Variants in RIMS2 observed in about 807,000 individuals in gnomAD.
The protein encoded by RIMS2 is regulating synaptic membrane exocytosis protein 2.
In RIMS2, 59 loss-of-function variants were observed where a neutral mutation model predicts 174.4. The ratio of observed to expected loss-of-function variants is 0.34; its 90% CI spans 0.27 to 0.42. The LOEUF (loss-of-function observed/expected upper bound fraction) is 0.42. Among genes scored for constraint, RIMS2 ranks in the 10% least tolerant of loss-of-function variants. RIMS2 has a pLI of 1.00. For missense variants in RIMS2, 1,620 were observed against 1,666.3 expected, an observed-to-expected ratio of 0.97 and a Z score of 0.48; for synonymous variants, 606 against 572.5, an observed-to-expected ratio of 1.06 and a Z score of -0.84.
chr8:103,574,607 T>G (rs898117672), intron 1 of RIMS2, among the ~76,000 whole-genome samples: 2 of 152,354 alleles, frequency 1.3e-5, no homozygotes, highest in African/African-American at 4.8e-5. Flanking sequence ...CTAAACTGTC[T>G]TTGGTTCCCC....
chr8:103,590,708 G>C (rs1453701446), intron 1 of RIMS2, among the ~76,000 whole-genome samples: 1 of 150,858 alleles, frequency 6.6e-6, no homozygotes, highest in Non-Finnish European at 1.5e-5. Flanking sequence ...AATTAGTTTT[G>C]CTTGTAGATA....
chr8:104,086,285 T>TC (rs2097536341), intron 19 of RIMS2, among the ~76,000 whole-genome samples: 1 of 150,936 alleles, frequency 6.6e-6, no homozygotes, highest in African/African-American at 2.4e-5. Context: ...TTTTTTTTTT[T>TC]TTGAGAACAG....
intron 1 of RIMS2, among the ~76,000 whole-genome samples, chr8:103,656,097 T>G (rs998405599): frequency 6.6e-6 from 1 of 151,942 alleles, no homozygotes; most frequent in Non-Finnish European, 1.5e-5. Context: ...TGAGAATATA[T>G]TTGAAGATTG....
At position 104,162,609 on chromosome 8, in the gene RIMS2, A is replaced by C. The variant is rs184525186; in HGVS notation, c.3335-82307A>C. ...TATAATTAGCTTTTTTCATATTATT[A>C]GGGGGGGAGATCTTTCTTTTCAAAA... is the stretch of plus-strand genomic sequence containing the variant. On this transcript the variant is annotated intron_variant, in intron 19 of 23. Coordinates refer to ENST00000504942, the Ensembl canonical transcript of RIMS2. 1.7e-3 allele frequency among the ~76,000 whole-genome samples: 254 copies of C among 152,100 alleles called. 2 individuals carry two copies. Among genetic ancestry groups the C allele is most frequent in the Admixed American group, 7.9e-3 (120 of 15,260 alleles).
intron 13 of RIMS2, among the ~76,000 whole-genome samples, chr8:103,940,122 A>C (rs2082191020): frequency 2.0e-5 from 3 of 152,156 alleles, no homozygotes; most frequent in Admixed American, 6.5e-5. Context: ...TCACTGTACT[A>C]GTACCAATTT....
chr8:103,660,879 T>C (rs1413839173), intron 1 of RIMS2, among the ~76,000 whole-genome samples: 10 of 152,182 alleles, frequency 6.6e-5, no homozygotes, highest in Non-Finnish European at 5.9e-5. Flanking sequence ...CTAAGTAATA[T>C]AAAACTTAAG....
chr8:103,941,122 T>C (rs917151327), intron 13 of RIMS2, among the ~76,000 whole-genome samples: 7 of 152,164 alleles, frequency 4.6e-5, no homozygotes, highest in Admixed American at 6.5e-5. Context: ...TGTGTTGTAT[T>C]GTGTGTTTGT....
chr8:103,753,005 C>A (rs1193480063), intron 2 of RIMS2, among the ~76,000 whole-genome samples: 1 of 151,974 alleles, frequency 6.6e-6, no homozygotes, highest in Admixed American at 6.6e-5. Flanking sequence ...GCATCCCTGT[C>A]TTGTGCCAGT....
At chr8:103,608,611 G>A (rs2095242158) in intron 1 of RIMS2, among the ~76,000 whole-genome samples, 1 of 150,518 alleles carries the variant, frequency 6.6e-6, no homozygotes, top group South Asian at 2.1e-4. Flanking sequence ...CTTGCAGTTT[G>A]ATCTCAGACT....
intron 13 of RIMS2, among the ~76,000 whole-genome samples, chr8:103,942,139 C>T (rs1041159179): frequency 6.6e-6 from 1 of 152,154 alleles, no homozygotes; most frequent in Non-Finnish European, 1.5e-5. Context: ...TACTTTCCCT[C>T]CTCCTACCCT....
intron 2 of RIMS2, among the ~76,000 whole-genome samples, chr8:103,709,726 C>T (rs35312860): frequency 0.19 from 28,386 of 151,612 alleles, 2,985 homozygotes; most frequent in African/African-American, 0.27. Context: ...GTATGTTCAC[C>T]GATCATTACT....
At chr8:103,916,320 C>T in intron 7 of RIMS2, 94 bp from the exon 11 acceptor site, 1 of 842,726 alleles carries the variant, frequency 1.2e-6, no homozygotes, top group Non-Finnish European at 1.9e-6. Context: ...GTTATTTTAT[C>T]CTATGGAGTT....
intron 2 of RIMS2, among the ~76,000 whole-genome samples, chr8:103,760,608 C>T (rs2098100430): frequency 6.6e-6 from 1 of 152,180 alleles, no homozygotes; most frequent in Non-Finnish European, 1.5e-5. Context: ...TCTGGTTGAG[C>T]CTCTGGATTT....
intron 19 of RIMS2, among the ~76,000 whole-genome samples, chr8:104,141,543 A>G (rs1204341379): frequency 6.6e-6 from 1 of 152,210 alleles, no homozygotes; most frequent in Admixed American, 6.5e-5. Context: ...GAACCTGTGC[A>G]ATCTATGTTC....
intron 4 of RIMS2, among the ~76,000 whole-genome samples, chr8:103,909,671 G>A (rs2075256979): frequency 6.6e-6 from 1 of 151,820 alleles, no homozygotes; most frequent in Admixed American, 6.6e-5. Flanking sequence ...TAATTATTTG[G>A]CTTTTTAAAA....
chr8:103,924,632 C>T (rs2078379794), intron 10 of RIMS2, among the ~76,000 whole-genome samples: 1 of 151,560 alleles, frequency 6.6e-6, no homozygotes, highest in South Asian at 2.1e-4. Flanking sequence ...AATTATGAAA[C>T]TGCTAATGCC....
intron 1 of RIMS2, among the ~76,000 whole-genome samples, chr8:103,559,928 C>G (rs1359034194): frequency 6.6e-6 from 1 of 152,182 alleles, no homozygotes. Context: ...CCAGATTATA[C>G]CTACACATGC....
At chr8:104,196,896 ACTT>A (rs1237778772) in intron 19 of RIMS2, among the ~76,000 whole-genome samples, 1 of 152,166 alleles carries the variant, frequency 6.6e-6, no homozygotes, top group Non-Finnish European at 1.5e-5. Flanking sequence ...AAGTTTATAA[ACTT>A]CTATCCCACT....
intron 19 of RIMS2, among the ~76,000 whole-genome samples, chr8:104,144,718 A>AATTTT (rs1314904947): frequency 6.6e-6 from 1 of 152,084 alleles, no homozygotes; most frequent in African/African-American, 2.4e-5. Flanking sequence ...CTGAACACAT[A>AATTTT]ATTTTATTTT....
Sources: gnomAD v4.1 joint callset for allele counts (sites outside exome capture counted in the v4.1 genomes callset) on GRCh38, gnomAD v4.1.1 for gene constraint, MANE v1.5 for transcripts, NCBI Gene and HGNC (gene_info 2026-07-23, HGNC 2026-07-21) for gene names.